The following VEPH1 variants were observed in gnomAD, a reference collection of about 807,000 sequenced individuals.
VEPH1 encodes ventricular zone expressed PH domain containing 1, also known as ventricular zone-expressed PH domain-containing protein homolog 1.
VEPH1 carries 80 observed loss-of-function variants against 85.2 expected under a neutral mutation model. That is an observed-to-expected ratio of 0.94 (90% CI 0.78 to 1.13). The LOEUF (loss-of-function observed/expected upper bound fraction) is 1.13, where lower values mean the gene tolerates loss of function less well. Among genes scored for constraint, VEPH1 ranks in the 50% most tolerant of loss-of-function variants. The pLI, the probability that VEPH1 is intolerant of heterozygous loss-of-function variation, is 0.00. For synonymous variants in VEPH1, 297 were observed against 348.0 expected (o/e 0.85, Z 1.63); for missense variants, 955 against 980.5 (o/e 0.97, Z 0.35).
intron 4 of VEPH1, among the ~76,000 whole-genome samples, chr3:157,436,208 C>T (rs773231845): frequency 3.3e-5 from 5 of 149,534 alleles, no homozygotes; most frequent in Admixed American, 6.7e-5. Flanking sequence ...ACCCAGGATG[C>T]GGAGGTTGCA....
chr3:157,388,134 G>T lies in VEPH1; in HGVS notation c.907-6758C>A, dbSNP rs77168127. Among the ~76,000 whole-genome samples, 28 of 152,274 alleles carry T rather than the reference G, an allele frequency of 1.8e-4. No homozygotes were observed. In the East Asian group the frequency reaches 4.8e-3, roughly 26 times the overall value. ...CTTTGAAGTCTCTACACACATCAAA[G>T]ATACACTTGCAAGGGCCATTAGAAA... On this transcript the variant is annotated intron_variant, in intron 6 of 13. Transcript: ENST00000362010.
intron 2 of VEPH1, among the ~76,000 whole-genome samples, chr3:157,488,883 T>A (rs1447866605): frequency 1.3e-5 from 2 of 150,920 alleles, no homozygotes; most frequent in African/African-American, 4.9e-5. Flanking sequence ...ATCATCCTAG[T>A]TTTTCAGGCC....
rs138907188 is a variant in VEPH1 at position 157,362,046 on chromosome 3, G to T, written c.1735+1318C>A. Among the ~76,000 whole-genome samples the T allele has an allele frequency of 3.4e-3, 513 of 150,790 alleles. 4 individuals carry two copies. The highest frequency in any genetic ancestry group is 0.011 in the African/African-American group (452 of 41,014). On this transcript the variant is annotated intron_variant, in intron 9 of 13. Transcript: ENST00000362010. ...TAATTTTTTTATTTTTTTTTTGGGT[G>T]GGGGGACAGAGTCCCACTCAATTGC...
chr3:157,378,311 T>C (rs1728369407), intron 7 of VEPH1, among the ~76,000 whole-genome samples: 1 of 1,352 alleles, frequency 7.4e-4, no homozygotes, highest in Non-Finnish European at 1.2e-3. Flanking sequence ...GAATGGTATA[T>C]ATATATATAT....
At chr3:157,349,548 G>A (rs935098039) in intron 9 of VEPH1, among the ~76,000 whole-genome samples, 1 of 151,970 alleles carries the variant, frequency 6.6e-6, no homozygotes, top group African/African-American at 2.4e-5. Flanking sequence ...GTAAGAGAAA[G>A]AAAGAAAGAA....
At chr3:157,463,176 C>T (rs1170458070) in intron 3 of VEPH1, among the ~76,000 whole-genome samples, 2 of 152,168 alleles carry the variant, frequency 1.3e-5, no homozygotes, top group East Asian at 3.8e-4. Context: ...AGCATCCCTG[C>T]CTCCCCAGTC....
intron 4 of VEPH1, among the ~76,000 whole-genome samples, chr3:157,445,912 A>T (rs943537887): frequency 6.6e-6 from 1 of 152,232 alleles, no homozygotes; most frequent in Non-Finnish European, 1.5e-5. Context: ...TGGATATCTG[A>T]CTTAAAAAAA....
At chr3:157,438,033 G>GCGCGCGCA in intron 4 of VEPH1, 1 of 793,750 alleles carries the variant, frequency 1.3e-6, no homozygotes, top group South Asian at 1.7e-5. Flanking sequence ...GCGCGCGCGC[G>GCGCGCGCA]CGCGCACACA....
intron 2 of VEPH1, among the ~76,000 whole-genome samples, chr3:157,480,595 C>T (rs1364419824): frequency 6.6e-6 from 1 of 152,046 alleles, no homozygotes; most frequent in Non-Finnish European, 1.5e-5. Flanking sequence ...GATAAATGGC[C>T]TCTAGTTGCA....
At chr3:157,342,777 G>A (rs1200529079) in intron 9 of VEPH1, among the ~76,000 whole-genome samples, 1 of 152,170 alleles carries the variant, frequency 6.6e-6, no homozygotes, top group Non-Finnish European at 1.5e-5. Flanking sequence ...ATAGTTGGAA[G>A]TAAAGCACTC....
intron 5 of VEPH1, among the ~76,000 whole-genome samples, chr3:157,414,950 C>T (rs1297940064): frequency 6.6e-6 from 1 of 152,048 alleles, no homozygotes; most frequent in African/African-American, 2.4e-5. Flanking sequence ...AATGTAGCTT[C>T]CAGTATTAAA....
At chr3:157,340,150 C>T (rs891970713) in intron 9 of VEPH1, among the ~76,000 whole-genome samples, 14 of 152,158 alleles carry the variant, frequency 9.2e-5, no homozygotes, top group Non-Finnish European at 1.5e-4. Context: ...AGGTTCATCT[C>T]ACTGGGGCTT....
In VEPH1 at chr3:157,454,360, G is replaced by A. The variant is rs1378276977; in HGVS notation, c.529+5821C>T. Among the ~76,000 whole-genome samples the A allele has an allele frequency of 2.0e-5, 3 of 152,128 alleles. No homozygotes were observed. The East Asian group carries it at 5.8e-4, about 29-fold the overall frequency. ...GAGTGATAAATTTCCACTCTCAGCT[G>A]GAGTTCAGACATACCTGGCAGACCA... On this transcript the variant is annotated intron_variant, in intron 4 of 13. Coordinates refer to ENST00000362010, the MANE Select transcript of VEPH1 (RefSeq NM_001167912.2).
chr3:157,370,528 C>T (rs1489203867), intron 7 of VEPH1, among the ~76,000 whole-genome samples: 1 of 152,114 alleles, frequency 6.6e-6, no homozygotes, highest in Non-Finnish European at 1.5e-5. Context: ...AGAGAAGATC[C>T]CCCAACTTCA....
intron 6 of VEPH1, among the ~76,000 whole-genome samples, chr3:157,402,431 G>A (rs1730851318): frequency 6.6e-6 from 1 of 152,138 alleles, no homozygotes; most frequent in Non-Finnish European, 1.5e-5. Context: ...GCGGAAGGAA[G>A]TTTGCCCTCT....
At chr3:157,421,082 CA>C (rs1248272427) in intron 5 of VEPH1, among the ~76,000 whole-genome samples, 3 of 152,126 alleles carry the variant, frequency 2.0e-5, no homozygotes, top group Non-Finnish European at 2.9e-5. Flanking sequence ...TTCCATCTGG[CA>C]AGGATAGTGT....
intron 4 of VEPH1, among the ~76,000 whole-genome samples, chr3:157,432,128 G>A (rs2873257): frequency 0.1 from 15,749 of 152,028 alleles, 1,273 homozygotes; most frequent in South Asian, 0.24. Flanking sequence ...GATTACAGGC[G>A]TGAGCCACCA....
chr3:157,469,512 C>T (rs1264841733), intron 3 of VEPH1, among the ~76,000 whole-genome samples: 1 of 151,980 alleles, frequency 6.6e-6, no homozygotes, highest in East Asian at 1.9e-4. Flanking sequence ...AAAATGCTGG[C>T]CTAAACAAGG....
intron 12 of VEPH1, among the ~76,000 whole-genome samples, chr3:157,274,660 G>A (rs1455534460): frequency 6.6e-6 from 1 of 152,032 alleles, no homozygotes; most frequent in Non-Finnish European, 1.5e-5. Context: ...ATCACACCTG[G>A]ATAATTTTTA....
Sources: allele counts gnomAD v4.1 joint callset (sites outside exome capture counted in the v4.1 genomes callset), GRCh38; gene constraint gnomAD v4.1.1; transcripts MANE v1.5; gene names NCBI Gene and HGNC (gene_info 2026-07-23, HGNC 2026-07-21).